The following ZBTB7C variants were observed in gnomAD, a reference collection of about 807,000 sequenced individuals.
ZBTB7C encodes the protein zinc finger and BTB domain-containing protein 7C.
ZBTB7C carries 8 observed loss-of-function variants against 25.7 expected under a neutral mutation model. The ratio of observed to expected loss-of-function variants is 0.31; its 90% CI spans 0.18 to 0.56. The LOEUF (loss-of-function observed/expected upper bound fraction) is 0.56. Among genes scored for constraint, ZBTB7C ranks in the 20% least tolerant of loss-of-function variants. The probability of loss-of-function intolerance (pLI) is 0.91; values close to 1 mark genes in which losing one functional copy is unlikely to be tolerated. For synonymous variants in ZBTB7C, 394 were observed against 369.0 expected, an observed-to-expected ratio of 1.07 and a Z score of -0.78; for missense variants, 824 against 855.2, an observed-to-expected ratio of 0.96 and a Z score of 0.46.
intron 3 of ZBTB7C, chr18:48,150,260 G>A (rs1031568842): frequency 6.6e-6 from 1 of 152,096 alleles, no homozygotes; most frequent in African/African-American, 2.4e-5. Context: ...ACTGCATAAG[G>A]TGGCTCAGAA....
At chr18:48,279,109 C>T (rs548587586) in intron 2 of ZBTB7C, among the ~76,000 whole-genome samples, 8 of 152,126 alleles carry the variant, frequency 5.3e-5, no homozygotes, top group Non-Finnish European at 1.0e-4. Flanking sequence ...ATGGAACCAG[C>T]TCACCCCAGG....
At chr18:48,038,207 C>T (rs4074018) in intron 4 of ZBTB7C, among the ~76,000 whole-genome samples, 11,678 of 152,092 alleles carry the variant, frequency 0.077, 597 homozygotes, top group Admixed American at 0.12. Flanking sequence ...GTCAGCATTG[C>T]CGGGTGGCTG....
chr18:48,070,046 C>A (rs1018210581), intron 3 of ZBTB7C, among the ~76,000 whole-genome samples: 2 of 152,164 alleles, frequency 1.3e-5, no homozygotes, highest in Middle Eastern at 3.2e-3. Flanking sequence ...TGACCCAAAG[C>A]ATCCGTGCTC....
chr18:48,276,080 T>C (rs1012708873), intron 2 of ZBTB7C, among the ~76,000 whole-genome samples: 2 of 152,070 alleles, frequency 1.3e-5, no homozygotes, highest in Non-Finnish European at 2.9e-5. Flanking sequence ...GCAACCGCGA[T>C]GGGGTAAAAG....
At chr18:48,333,650 A>C (rs1468132363) in intron 2 of ZBTB7C, among the ~76,000 whole-genome samples, 1 of 152,214 alleles carries the variant, frequency 6.6e-6, no homozygotes, top group East Asian at 1.9e-4. Context: ...ATGTTAAGTC[A>C]CAGTGACACT....
chr18:48,154,550 A>G (rs748963836), intron 3 of ZBTB7C, among the ~76,000 whole-genome samples: 9 of 152,242 alleles, frequency 5.9e-5, no homozygotes, highest in Non-Finnish European at 1.2e-4. Context: ...CTCCCGACTT[A>G]ACAGTCCCTT....
intron 3 of ZBTB7C, chr18:48,137,068 C>T (rs1304967048): frequency 2.2e-5 from 22 of 985,308 alleles, no homozygotes; most frequent in Admixed American, 6.1e-5. Context: ...GCCAGGGTCC[C>T]GGGCTGGGAA....
intron 2 of ZBTB7C, among the ~76,000 whole-genome samples, chr18:48,207,570 C>CATCTATCTATCT (rs35634878): frequency 0.017 from 2,527 of 147,110 alleles, 32 homozygotes; most frequent in Middle Eastern, 0.035. Flanking sequence ...CACTGCCTAT[C>CATCTATCTATCT]ATCTATCTAT....
chr18:48,170,815 A>G (rs1377042551), intron 3 of ZBTB7C, among the ~76,000 whole-genome samples: 1 of 151,870 alleles, frequency 6.6e-6, no homozygotes, highest in Non-Finnish European at 1.5e-5. Context: ...TCCCCTCTGC[A>G]CTGACAGATG....
intron 2 of ZBTB7C, among the ~76,000 whole-genome samples, chr18:48,256,816 T>C (rs894431571): frequency 3.3e-5 from 5 of 152,018 alleles, no homozygotes; most frequent in Admixed American, 1.3e-4. Context: ...CAGATATATA[T>C]TATAAACCTG....
chr18:48,114,402 G>C (rs2144683169), intron 3 of ZBTB7C, among the ~76,000 whole-genome samples: 1 of 152,206 alleles, frequency 6.6e-6, no homozygotes, highest in South Asian at 2.1e-4. Flanking sequence ...AGGAGTTTGA[G>C]ACCAACCTGG....
chr18:48,161,534 T>A (rs1250102291), intron 3 of ZBTB7C, among the ~76,000 whole-genome samples: 1 of 152,068 alleles, frequency 6.6e-6, no homozygotes, highest in Non-Finnish European at 1.5e-5. Flanking sequence ...CTGTTCAGAC[T>A]GGTTCGCCCA....
At chr18:48,282,228 G>A (rs1192573359) in intron 2 of ZBTB7C, among the ~76,000 whole-genome samples, 3 of 143,964 alleles carry the variant, frequency 2.1e-5, no homozygotes, top group Admixed American at 7.2e-5. Context: ...ACCAAACACC[G>A]CATATTCTCA....
At chr18:48,139,329 A>G (rs188365648) in intron 3 of ZBTB7C, among the ~76,000 whole-genome samples, 5 of 152,234 alleles carry the variant, frequency 3.3e-5, no homozygotes, top group African/African-American at 1.2e-4. Flanking sequence ...TGCAGGGCAG[A>G]GCCTTGTTTG....
At chr18:48,186,795 C>T (rs1489042125) in intron 2 of ZBTB7C, among the ~76,000 whole-genome samples, 4 of 152,140 alleles carry the variant, frequency 2.6e-5, no homozygotes, top group African/African-American at 9.7e-5. Context: ...GCTCCTTGGA[C>T]AGGAGGGGAG....
chr18:48,159,139 C>T (rs913032979), intron 3 of ZBTB7C, among the ~76,000 whole-genome samples: 2 of 152,290 alleles, frequency 1.3e-5, no homozygotes. Flanking sequence ...AGATCAGAAG[C>T]TTCTGGAAGG....
intron 1 of ZBTB7C, among the ~76,000 whole-genome samples, chr18:48,401,010 T>C (rs951177981): frequency 2.0e-5 from 3 of 152,148 alleles, no homozygotes; most frequent in Admixed American, 6.5e-5. Flanking sequence ...ACATCTGGAT[T>C]CAGCTCCTGA....
intron 1 of ZBTB7C, among the ~76,000 whole-genome samples, chr18:48,389,846 T>C (rs546778537): frequency 3.6e-4 from 55 of 152,368 alleles, no homozygotes; most frequent in African/African-American, 1.1e-3. Context: ...ACTTGATACA[T>C]ATTTTTGAAT....
At chr18:48,384,573 G>A (rs900509049) in intron 1 of ZBTB7C, among the ~76,000 whole-genome samples, 2 of 152,218 alleles carry the variant, frequency 1.3e-5, no homozygotes, top group Non-Finnish European at 2.9e-5. Flanking sequence ...GGCTACATGC[G>A]CTTTGAATGC....
Sources: gnomAD v4.1 joint callset for allele counts (sites outside exome capture counted in the v4.1 genomes callset) on GRCh38, gnomAD v4.1.1 for gene constraint, MANE v1.5 for transcripts, NCBI Gene and HGNC (gene_info 2026-07-23, HGNC 2026-07-21) for gene names.